The following ZNF26 variants were observed in gnomAD, a reference collection of about 807,000 sequenced individuals.
The protein encoded by ZNF26 is zinc finger protein 26.
A neutral mutation model predicts 54.9 loss-of-function variants in ZNF26; 32 were observed. The observed-to-expected ratio is 0.58, with a 90% confidence interval of 0.44 to 0.78. The LOEUF is 0.78. ZNF26 is among the 30% of genes least tolerant of loss of function. The pLI, the probability that ZNF26 is intolerant of heterozygous loss-of-function variation, is 0.00. For missense variants in ZNF26, 524 were observed against 634.0 expected (o/e 0.83, Z 1.86); for synonymous variants, 221 against 209.2 (o/e 1.06, Z -0.49).
At chr12:132,996,091 G>T (rs1953075298) in intron 1 of ZNF26, among the ~76,000 whole-genome samples, 1 of 152,124 alleles carries the variant, frequency 6.6e-6, no homozygotes, top group African/African-American at 2.4e-5. Flanking sequence ...TTTCTGGATG[G>T]TATATTTATT....
Position 133,022,109 on chromosome 12 carries a change from T to G in ZNF26, c.*10628T>G, listed in dbSNP as rs1370227451. The G allele has an allele frequency of 3.3e-5, 5 of 151,700 alleles. No individual in the cohort carries two copies. The highest frequency in any genetic ancestry group is 1.2e-4 in the African/African-American group (5 of 41,262). 9.4% of individuals were successfully genotyped at this position (151,700 alleles called of 1,614,324 possible). On this transcript the variant is annotated 3_prime_UTR_variant, in exon 4 of 4. Coordinates refer to ENST00000328654, the MANE Select transcript of ZNF26 (RefSeq NM_019591.4). ...GACGTGCACCTGTAATTCCAGCTAC[T>G]CGGGAGGCTGAGACGGGAGTATCAC...
intron 1 of ZNF26, among the ~76,000 whole-genome samples, chr12:132,990,718 T>A (rs1952930296): frequency 6.6e-6 from 1 of 152,178 alleles, no homozygotes; most frequent in African/African-American, 2.4e-5. Context: ...AATTTTTGAT[T>A]CAATTTAGGC....
rs1953674748 is a variant in ZNF26 at position 133,024,127 on chromosome 12, G to A, written c.*12646G>A. 6.6e-6 allele frequency: 1 copy of A among 152,154 alleles called. No individual in the cohort carries two copies. Among genetic ancestry groups the A allele is most frequent in the Non-Finnish European group, 1.5e-5 (1 of 68,032 alleles). The allele number at this position is 152,154 out of a possible 1,614,324, so 9.4% of individuals were successfully genotyped here. The stretch of plus-strand genomic sequence containing the variant: ...GATACGTTAGACTACAGTAGTGATT[G>A]GAATAGAAATTTAGTGTTGGAAGTG... On this transcript the variant is annotated 3_prime_UTR_variant, in exon 4 of 4. Coordinates refer to ENST00000328654, the MANE Select transcript of ZNF26 (RefSeq NM_019591.4).
intron 1 of ZNF26, chr12:133,006,658 G>A (rs1158560459): frequency 6.3e-6 from 1 of 158,736 alleles, no homozygotes; most frequent in South Asian, 1.8e-4. Flanking sequence ...GCAGTGGCAC[G>A]ATTTTGGCTT....
At chr12:132,987,847 G>C (rs1007666891) in intron 1 of ZNF26, 14 of 492,252 alleles carry the variant, frequency 2.8e-5, no homozygotes, top group Admixed American at 1.3e-4. Context: ...AGAAAGTTAG[G>C]AGTGGATTTC....
In ZNF26 at chr12:133,010,538, A is replaced by G. The variant is rs1953447387; in HGVS notation, c.659A>G (p.His220Arg). The change falls in exon 4 of 4, where the codon CAT (histidine) becomes CGT (arginine). Residue 220 changes from histidine to arginine, a missense_variant. His to Arg is a conservative substitution (Grantham distance 29). Coordinates refer to ENST00000328654, the MANE Select transcript of ZNF26 (RefSeq NM_019591.4). Reference sequence around the variant, plus strand: ...AGTGCCAAGTCAAACCTTAATGCTCATCAGAGAGTTCATACAGGAGAAAAA... The same window carrying G: ...AGTGCCAAGTCAAACCTTAATGCTCGTCAGAGAGTTCATACAGGAGAAAAA... Reference protein sequence around the residue: ...AFSAKSNLNAHQRVHTGEKPY... With the variant: ...AFSAKSNLNARQRVHTGEKPY... The G allele has an allele frequency of 1.9e-6, 3 of 1,614,088 alleles. No individual in the cohort carries two copies. Among genetic ancestry groups the G allele is most frequent in the Admixed American group, 1.7e-5 (1 of 60,008 alleles).
rs916153722 is a variant in ZNF26, at chr12:133,010,760, C to G, written c.881C>G (p.Ala294Gly). 36 of 1,613,448 alleles carry G rather than the reference C, an allele frequency of 2.2e-5. 1 individual carries two copies. The highest frequency in any genetic ancestry group is 8.9e-5 in the East Asian group (4 of 44,872). ...TATGAATGCAGCGAATGTGGGAAAGCCTTTAGTTTGAAGTCTCCATTCGTT... is the reference window on the plus strand; with the variant it reads ...TATGAATGCAGCGAATGTGGGAAAGGCTTTAGTTTGAAGTCTCCATTCGTT... ...KPYECSECGK[A>G]FSLKSPFVVH... Residue 294 changes from alanine (A) to glycine (G), a missense_variant, in exon 4 of 4, where the codon GCC becomes GGC. Coordinates refer to ENST00000328654, the MANE Select transcript of ZNF26 (RefSeq NM_019591.4).
intron 1 of ZNF26, among the ~76,000 whole-genome samples, chr12:132,996,749 C>CT (rs1325648816): frequency 2.0e-5 from 3 of 152,064 alleles, no homozygotes; most frequent in Non-Finnish European, 4.4e-5. Context: ...TTCCTAAGTA[C>CT]TTTCTAGATT....
rs1373871392 is a variant in ZNF26, at chr12:133,014,375, G to C, written c.*2894G>C. Reference sequence around the variant, plus strand: ...ATGCAGTGAGCTGCACTGTACTCCAGTCTGGGCAACAGTGAGACCCTGTCT... The same window carrying C: ...ATGCAGTGAGCTGCACTGTACTCCACTCTGGGCAACAGTGAGACCCTGTCT... On this transcript the variant is annotated 3_prime_UTR_variant, in exon 4 of 4. Coordinates refer to ENST00000328654, the MANE Select transcript of ZNF26 (RefSeq NM_019591.4). The C allele has an allele frequency of 2.0e-5, 3 of 152,546 alleles. No homozygotes were observed. Among genetic ancestry groups the C allele is most frequent in the African/African-American group, 7.2e-5 (3 of 41,404 alleles). The allele number at this position is 152,546 out of a possible 1,614,324, so 9.4% of individuals were successfully genotyped here. A position where few individuals can be genotyped will look rare whatever the true frequency, so the allele number is the denominator to read the frequency against.
At chr12:133,006,856 G>A (rs1338183335) in intron 1 of ZNF26, 186 bp from the exon 2 acceptor site, 1 of 691,122 alleles carries the variant, frequency 1.4e-6, no homozygotes. Context: ...GCCTCCGAAA[G>A]TGCTGGCGTG....
chr12:132,989,000 T>G (rs1952888526), intron 1 of ZNF26, among the ~76,000 whole-genome samples: 1 of 150,806 alleles, frequency 6.6e-6, no homozygotes, highest in African/African-American at 2.4e-5. Flanking sequence ...CTTGGTATAA[T>G]CATGTAGTTC....
intron 1 of ZNF26, among the ~76,000 whole-genome samples, chr12:132,999,163 G>C (rs1215396185): frequency 6.6e-6 from 1 of 152,248 alleles, no homozygotes; most frequent in Non-Finnish European, 1.5e-5. Context: ...CAGTGGAACA[G>C]AAGCCATGTC....
intron 1 of ZNF26, among the ~76,000 whole-genome samples, chr12:132,998,260 G>T (rs1041846828): frequency 5.0e-4 from 76 of 151,178 alleles, no homozygotes; most frequent in African/African-American, 1.6e-3. Context: ...TTCGCCTCCC[G>T]GGTTCAAGCG....
At chr12:133,009,651 G>A (rs1462215350) in intron 3 of ZNF26, among the ~76,000 whole-genome samples, 1 of 151,908 alleles carries the variant, frequency 6.6e-6, no homozygotes, top group Non-Finnish European at 1.5e-5. Context: ...GAATAATTTG[G>A]TTCTGCTTTC....
rs1351199858 is a variant in ZNF26, at chr12:133,013,991, G to GC, written c.*2512dup. 1.3e-5 allele frequency: 2 copies of GC among 152,338 alleles called. No individual in the cohort carries two copies. Among genetic ancestry groups the GC allele is most frequent in the East Asian group, 1.9e-4 (1 of 5,184 alleles). The allele number at this position is 152,338 out of a possible 1,614,324, so 9.4% of individuals were successfully genotyped here. A position where few individuals can be genotyped will look rare whatever the true frequency, so the allele number is the denominator to read the frequency against. ...TGAGTAGTTGAGGTATAAAAAACCT[G>GC]CCACCTCCTGATACAGATAGAACCC... is the stretch of plus-strand genomic sequence containing the variant. On this transcript the variant is annotated 3_prime_UTR_variant, in exon 4 of 4. Transcript: ENST00000328654.
intron 1 of ZNF26, among the ~76,000 whole-genome samples, chr12:132,994,513 T>A (rs956084261): frequency 6.6e-6 from 1 of 152,166 alleles, no homozygotes; most frequent in Non-Finnish European, 1.5e-5. Context: ...CAATCCCCTC[T>A]CTCTCCTCGG....
At chr12:132,994,091 G>A (rs1953022608) in intron 1 of ZNF26, among the ~76,000 whole-genome samples, 1 of 152,142 alleles carries the variant, frequency 6.6e-6, no homozygotes, top group Non-Finnish European at 1.5e-5. Flanking sequence ...TTGAGCTCCT[G>A]AAAGTAAAAC....
Position 133,020,868 on chromosome 12 carries a change from A to G in ZNF26, c.*9387A>G, listed in dbSNP as rs1358638485. ...TCTCATCACATAATCTCCCTTCTAT[A>G]TGCACATATCTCTGTGCAAACGTCC... On this transcript the variant is annotated 3_prime_UTR_variant, in exon 4 of 4. Transcript: ENST00000328654. The G allele has an allele frequency of 1.3e-5, 2 of 152,056 alleles. No individual in the cohort carries two copies. The highest frequency in any genetic ancestry group is 2.1e-4 in the South Asian group (1 of 4,820). 9.4% of individuals were successfully genotyped at this position (152,056 alleles called of 1,614,324 possible).
At position 133,011,568 on chromosome 12, in the gene ZNF26, T is replaced by C; in HGVS notation, c.*87T>C. 7.4e-7 allele frequency: 1 copy of C among 1,357,570 alleles called. No homozygotes were observed. Among genetic ancestry groups the C allele is most frequent in the Non-Finnish European group, 9.7e-7 (1 of 1,025,922 alleles). The allele number at this position is 1,357,570 out of a possible 1,614,324, so 84.1% of individuals were successfully genotyped here. ...GATTTACAAGCAGGAGGCCCTAAAATTACACTCATGTCAAAAATCAGAGAG... is the reference window on the plus strand; with the variant it reads ...GATTTACAAGCAGGAGGCCCTAAAACTACACTCATGTCAAAAATCAGAGAG... On this transcript the variant is annotated 3_prime_UTR_variant, in exon 4 of 4. Coordinates refer to ENST00000328654, the MANE Select transcript of ZNF26 (RefSeq NM_019591.4).
Sources: allele counts gnomAD v4.1 joint callset (sites outside exome capture counted in the v4.1 genomes callset), GRCh38; gene constraint gnomAD v4.1.1; transcripts MANE v1.5; gene names NCBI Gene and HGNC (gene_info 2026-07-23, HGNC 2026-07-21).